The following CDH7 variants were observed in gnomAD, a reference collection of about 807,000 sequenced individuals.
CDH7 encodes cadherin-7.
Under a neutral mutation model 71.8 loss-of-function variants are expected in CDH7, and 25 were observed. The observed-to-expected ratio is 0.35, with a 90% CI of 0.25 to 0.49. CDH7 has a LOEUF of 0.49. CDH7 is among the 20% of genes least tolerant of loss of function. CDH7 has a pLI of 0.99. For missense variants in CDH7, 862 were observed against 974.6 expected (o/e 0.88, Z 1.54); for synonymous variants, 381 against 363.8 (o/e 1.05, Z -0.54).
At chr18:65,793,264 C>A (rs1354582621) in intron 2 of CDH7, among the ~76,000 whole-genome samples, 1 of 151,884 alleles carries the variant, frequency 6.6e-6, no homozygotes, top group Non-Finnish European at 1.5e-5. Context: ...GAAACCCTGT[C>A]TCTACAAAAA....
At chr18:65,759,411 AT>A (rs770554826) in intron 1 of CDH7, among the ~76,000 whole-genome samples, 738 of 141,034 alleles carry the variant, frequency 5.2e-3, no homozygotes, top group African/African-American at 6.3e-3. Flanking sequence ...TGCCCGGCTA[AT>A]TTTTTTTTTT....
chr18:65,763,098 G>A, intron 2 of CDH7, 46 bp downstream of exon 2: 1 of 1,356,196 alleles, frequency 7.4e-7, no homozygotes, highest in Non-Finnish European at 1.0e-6. Flanking sequence ...TATTGTCCAT[G>A]TCTATGGTTT....
At chr18:65,856,626 GC>G (rs1913366475) in intron 7 of CDH7, among the ~76,000 whole-genome samples, 1 of 152,034 alleles carries the variant, frequency 6.6e-6, no homozygotes, top group South Asian at 2.1e-4. Context: ...AACATGAAAG[GC>G]CTTTATGTTT....
chr18:65,852,902 G>T (rs1913201009), intron 7 of CDH7, among the ~76,000 whole-genome samples: 1 of 152,090 alleles, frequency 6.6e-6, no homozygotes, highest in African/African-American at 2.4e-5. Context: ...AAGTTCAGAA[G>T]GTAGGGTAAT....
At chr18:65,751,670 C>T (rs956427418) in intron 1 of CDH7, among the ~76,000 whole-genome samples, 1 of 152,200 alleles carries the variant, frequency 6.6e-6, no homozygotes, top group African/African-American at 2.4e-5. Context: ...GTGGAGCTCA[C>T]TTCAGGGTGC....
At chr18:65,870,064 A>G (rs778348867) in intron 11 of CDH7, among the ~76,000 whole-genome samples, 1 of 152,216 alleles carries the variant, frequency 6.6e-6, no homozygotes, top group Non-Finnish European at 1.5e-5. Flanking sequence ...ATGGAACTAT[A>G]TAAGGGCTTA....
chr18:65,768,771 G>A (rs73542724), intron 2 of CDH7, among the ~76,000 whole-genome samples: 1 of 152,086 alleles, frequency 6.6e-6, no homozygotes, highest in Non-Finnish European at 1.5e-5. Flanking sequence ...TATATTGGGA[G>A]AAATTGGGTC....
intron 7 of CDH7, among the ~76,000 whole-genome samples, chr18:65,854,706 T>C (rs1473113878): frequency 6.6e-6 from 1 of 152,102 alleles, no homozygotes; most frequent in Non-Finnish European, 1.5e-5. Flanking sequence ...TCTCAGTTAT[T>C]AACTTAGAGA....
chr18:65,821,550 G>T (rs1394143120), intron 4 of CDH7, among the ~76,000 whole-genome samples: 1 of 152,108 alleles, frequency 6.6e-6, no homozygotes, highest in African/African-American at 2.4e-5. Context: ...TCAAGTAAGT[G>T]TAATTTGAAT....
intron 6 of CDH7, among the ~76,000 whole-genome samples, chr18:65,841,033 A>G (rs1316294933): frequency 6.6e-6 from 1 of 152,142 alleles, no homozygotes; most frequent in African/African-American, 2.4e-5. Flanking sequence ...CAAATGCTTA[A>G]CAGTCTTATC....
At chr18:65,778,114 A>G (rs998706765) in intron 2 of CDH7, among the ~76,000 whole-genome samples, 25 of 152,100 alleles carry the variant, frequency 1.6e-4, no homozygotes, top group African/African-American at 5.8e-4. Flanking sequence ...TCTACTAAAA[A>G]TACAAAAATT....
chr18:65,753,002 T>A (rs1181805360), intron 1 of CDH7, among the ~76,000 whole-genome samples: 1 of 152,216 alleles, frequency 6.6e-6, no homozygotes, highest in Non-Finnish European at 1.5e-5. Flanking sequence ...CAGAGCTTTT[T>A]CCTTTCTTAT....
At chr18:65,862,080 T>C (rs1429848500) in intron 10 of CDH7, among the ~76,000 whole-genome samples, 3 of 152,156 alleles carry the variant, frequency 2.0e-5, no homozygotes, top group Non-Finnish European at 2.9e-5. Context: ...TAGCCTGTTT[T>C]ATCACTGACA....
chr18:65,784,369 A>C (rs528369839), intron 2 of CDH7, among the ~76,000 whole-genome samples: 17 of 152,116 alleles, frequency 1.1e-4, no homozygotes, highest in Non-Finnish European at 2.1e-4. Context: ...CAGGCATTGG[A>C]AACAGCAAGA....
At chr18:65,860,653 T>G (rs1221511523) in intron 10 of CDH7, among the ~76,000 whole-genome samples, 3 of 152,180 alleles carry the variant, frequency 2.0e-5, no homozygotes, top group Non-Finnish European at 4.4e-5. Context: ...GGAAAATATC[T>G]ATTTTTAAAA....
At chr18:65,755,824 G>A (rs1916012462) in intron 1 of CDH7, among the ~76,000 whole-genome samples, 1 of 152,174 alleles carries the variant, frequency 6.6e-6, no homozygotes, top group African/African-American at 2.4e-5. Flanking sequence ...GACAGTGGCA[G>A]CTGTACTGGG....
At chr18:65,782,559 T>C (rs1352011815) in intron 2 of CDH7, among the ~76,000 whole-genome samples, 1 of 152,134 alleles carries the variant, frequency 6.6e-6, no homozygotes, top group Non-Finnish European at 1.5e-5. Flanking sequence ...TACAGTTGAC[T>C]CTCATCTATG....
intron 6 of CDH7, among the ~76,000 whole-genome samples, chr18:65,840,940 T>TGG (rs1412512642): frequency 6.6e-6 from 1 of 152,156 alleles, no homozygotes; most frequent in African/African-American, 2.4e-5. Context: ...CTAATAGTTA[T>TGG]GGACTATATT....
At chr18:65,874,061 C>A (rs1914001821) in intron 11 of CDH7, among the ~76,000 whole-genome samples, 1 of 152,044 alleles carries the variant, frequency 6.6e-6, no homozygotes, top group Non-Finnish European at 1.5e-5. Flanking sequence ...ATGTATTATT[C>A]TTTGTGCTTA....
Sources: allele counts gnomAD v4.1 joint callset (sites outside exome capture counted in the v4.1 genomes callset), GRCh38; gene constraint gnomAD v4.1.1; transcripts MANE v1.5; gene names NCBI Gene and HGNC (gene_info 2026-07-23, HGNC 2026-07-21).